The following TRIP12 variants were observed in gnomAD, a reference collection of about 807,000 sequenced individuals.
TRIP12 encodes thyroid hormone receptor interactor 12.
TRIP12 carries 25 observed loss-of-function variants against 244.2 expected under a neutral mutation model. The ratio of observed to expected loss-of-function variants is 0.10; its 90% CI spans 0.07 to 0.14. The LOEUF (loss-of-function observed/expected upper bound fraction) is 0.14, where lower values mean the gene tolerates loss of function less well. Among genes scored for constraint, TRIP12 ranks in the 10% least tolerant of loss-of-function variants. The pLI is 1.00. For missense variants in TRIP12, 1,677 were observed against 2,486.4 expected, an observed-to-expected ratio of 0.67 and a Z score of 6.92; for synonymous variants, 905 against 873.1, an observed-to-expected ratio of 1.04 and a Z score of -0.64.
chr2:229,888,572 C>A (rs553241503), intron 1 of TRIP12, among the ~76,000 whole-genome samples: 35 of 151,932 alleles, frequency 2.3e-4, no homozygotes, highest in Non-Finnish European at 4.6e-4. Context: ...TCAAAAAACT[C>A]AAAAATGTCC....
At chr2:229,793,807 T>C (rs1319910568) in intron 26 of TRIP12, among the ~76,000 whole-genome samples, 2 of 151,822 alleles carry the variant, frequency 1.3e-5, no homozygotes, top group African/African-American at 4.8e-5. Context: ...GCTTTGTATA[T>C]AGGCCAACAT....
chr2:229,790,542 G>T (rs571379548), intron 30 of TRIP12, among the ~76,000 whole-genome samples: 16 of 86,462 alleles, frequency 1.9e-4, no homozygotes, highest in African/African-American at 4.4e-4. Context: ...GCAGGGGGAG[G>T]GGGGGGTGTC....
intron 4 of TRIP12, among the ~76,000 whole-genome samples, chr2:229,849,082 C>A (rs1444051987): frequency 6.6e-6 from 1 of 152,136 alleles, no homozygotes; most frequent in African/African-American, 2.4e-5. Context: ...GCATAATGAA[C>A]AACCATCCAG....
At chr2:229,798,603 T>C (rs1179549623) in intron 23 of TRIP12, among the ~76,000 whole-genome samples, 1 of 151,970 alleles carries the variant, frequency 6.6e-6, no homozygotes, top group Non-Finnish European at 1.5e-5. Flanking sequence ...GAGGAAGAGG[T>C]TCCCCAAGGA....
chr2:229,885,699 G>T (rs1476217109), intron 1 of TRIP12, among the ~76,000 whole-genome samples: 1 of 152,134 alleles, frequency 6.6e-6, no homozygotes, highest in Non-Finnish European at 1.5e-5. Context: ...CTTTAAAGTG[G>T]GAATGAATAA....
At chr2:229,779,055 C>T (rs866297191) in intron 34 of TRIP12, 65 bp from the exon 35 acceptor site, 33 of 1,328,320 alleles carry the variant, frequency 2.5e-5, no homozygotes, top group Non-Finnish European at 3.5e-5. Flanking sequence ...CTGCCAACCT[C>T]TTGGAAATGT....
chr2:229,910,981 A>C (rs1218407833), intron 1 of TRIP12, among the ~76,000 whole-genome samples: 1 of 152,194 alleles, frequency 6.6e-6, no homozygotes, highest in Non-Finnish European at 1.5e-5. Flanking sequence ...ATGCATTTGG[A>C]CCTGGGGTGG....
chr2:229,819,040 CCACACACACA>C lies in TRIP12; in HGVS notation c.1451-538_1451-529del, dbSNP rs370625320. On this transcript the variant is annotated intron_variant, in intron 8 of 41. Transcript: ENST00000675903. ...AAAGAATATTCTGTAAAAATAAAAA[CCACACACACA>C]CACACACACACACACACACACACAC... 8.6e-3 allele frequency among the ~76,000 whole-genome samples: 1,147 copies of C among 134,038 alleles called. 10 individuals carry two copies. Among genetic ancestry groups the C allele is most frequent in the East Asian group, 0.039 (177 of 4,526 alleles). 87.9% of individuals were successfully genotyped at this position (134,038 alleles called of 152,430 possible).
chr2:229,918,218 C>T (rs1447762897), intron 1 of TRIP12, among the ~76,000 whole-genome samples: 2 of 152,190 alleles, frequency 1.3e-5, no homozygotes, highest in Non-Finnish European at 2.9e-5. Flanking sequence ...CTATGTTTTT[C>T]TGTACATAGT....
At chr2:229,893,664 C>T (rs188916673) in intron 1 of TRIP12, among the ~76,000 whole-genome samples, 8 of 152,292 alleles carry the variant, frequency 5.3e-5, no homozygotes, top group African/African-American at 1.9e-4. Context: ...GAATATTCTA[C>T]TGTATGAATA....
upstream of TRIP12, chr2:229,922,737 C>T: frequency 3.2e-6 from 3 of 924,406 alleles, no homozygotes; most frequent in South Asian, 5.1e-5. Flanking sequence ...CGGCTCCGCG[C>T]CGGGAGATTT....
chr2:229,908,043 C>T (rs1332082179), intron 1 of TRIP12, among the ~76,000 whole-genome samples: 6 of 151,940 alleles, frequency 3.9e-5, no homozygotes. Context: ...TTCGCTCTTA[C>T]CCACTTCACT....
intron 34 of TRIP12, among the ~76,000 whole-genome samples, chr2:229,782,525 G>A (rs2038565981): frequency 6.6e-6 from 1 of 152,116 alleles, no homozygotes; most frequent in Non-Finnish European, 1.5e-5. Context: ...TTTGTCCTGT[G>A]TCTCCCTAAC....
chr2:229,877,395 T>G (rs868105171), intron 2 of TRIP12, among the ~76,000 whole-genome samples: 7 of 152,126 alleles, frequency 4.6e-5, no homozygotes, highest in Middle Eastern at 3.4e-3. Flanking sequence ...CCGGGCAAGG[T>G]GGCAGGCGCC....
chr2:229,882,634 A>C (rs2065110252), intron 1 of TRIP12, among the ~76,000 whole-genome samples: 1 of 152,222 alleles, frequency 6.6e-6, no homozygotes, highest in Admixed American at 6.5e-5. Flanking sequence ...AAGGACAGAT[A>C]CAAGAGAATA....
At chr2:229,921,406 C>T (rs2154385465) in intron 1 of TRIP12, 1 of 152,716 alleles carries the variant, frequency 6.5e-6, no homozygotes, top group South Asian at 2.1e-4. Flanking sequence ...ATTTCCGGGC[C>T]CCTCGTCCCA....
At chr2:229,907,528 G>T (rs2073159017) in intron 1 of TRIP12, among the ~76,000 whole-genome samples, 2 of 152,108 alleles carry the variant, frequency 1.3e-5, no homozygotes, top group African/African-American at 4.8e-5. Context: ...CTCTCAAAAG[G>T]CATGGTTACT....
intron 1 of TRIP12, among the ~76,000 whole-genome samples, chr2:229,892,702 C>CA (rs2154362973): frequency 6.6e-6 from 1 of 151,956 alleles, no homozygotes; most frequent in Admixed American, 6.5e-5. Context: ...CCCTTCTCCA[C>CA]AAAAAATACA....
intron 34 of TRIP12, among the ~76,000 whole-genome samples, chr2:229,782,651 GC>G (rs2038633469): frequency 6.6e-6 from 1 of 152,072 alleles, no homozygotes; most frequent in Non-Finnish European, 1.5e-5. Context: ...AATACTCTTA[GC>G]TTTTTAAAAG....
Sources: gnomAD v4.1 joint callset for allele counts (sites outside exome capture counted in the v4.1 genomes callset) on GRCh38, gnomAD v4.1.1 for gene constraint, MANE v1.5 for transcripts, NCBI Gene and HGNC (gene_info 2026-07-23, HGNC 2026-07-21) for gene names.